Variants in SETD1B observed in about 807,000 individuals in gnomAD.
SETD1B encodes the protein SET domain containing 1B, histone lysine methyltransferase, also known as histone-lysine N-methyltransferase SETD1B.
A neutral mutation model predicts 148.0 loss-of-function variants in SETD1B; 7 were observed. That is an observed-to-expected ratio of 0.05 (90% CI 0.03 to 0.09). The LOEUF (loss-of-function observed/expected upper bound fraction) is 0.09, where lower values mean the gene tolerates loss of function less well. SETD1B is among the 10% of genes least tolerant of loss of function. SETD1B has a pLI of 1.00. For synonymous variants in SETD1B, 1,361 were observed against 1,186.5 expected, an observed-to-expected ratio of 1.15 and a Z score of -3.02; for missense variants, 2,155 against 2,729.9, an observed-to-expected ratio of 0.79 and a Z score of 4.69.
chr12:121,810,563 C>T lies in SETD1B; in HGVS notation c.1618C>T (p.Leu540Phe). 1 of 1,547,764 alleles carries T rather than the reference C, an allele frequency of 6.5e-7. No homozygotes were observed. Residue 540 changes from leucine to phenylalanine, a missense_variant, in exon 6 of 17, where the codon CTC becomes TTC. This residue lies in a region of SETD1B where 295 missense variants were observed against 303.8 expected (regional missense o/e 0.97). Coordinates refer to ENST00000604567, the MANE Select transcript of SETD1B (RefSeq NM_001353345.2). This position sits in a 1 kb window ranked among gnomAD's most constrained non-coding sequence, Gnocchi z 7.6. ...GSPISSSSSQ[L>F]SPLAPFGTNS... is the part of the protein sequence containing the mutation. The stretch of plus-strand genomic sequence containing the variant: ...CCCCATCTCCTCCTCCTCCTCCCAG[C>T]TCTCCCCACTGGCCCCCTTTGGCAC...
Position 121,823,583 on chromosome 12 carries a change from C to G in SETD1B, c.5004C>G (p.Leu1668=). 1 of 1,551,516 alleles carries G rather than the reference C, an allele frequency of 6.4e-7. No homozygotes were observed. Among genetic ancestry groups the G allele is most frequent in the Non-Finnish European group, 8.7e-7 (1 of 1,146,974 alleles). ...CCGAACTCTCGCCACCCCAGCCCCT[C>G]TTCCGGCCCCGCTCGGAGTTTGAGG... The part of the protein sequence containing the change: ...GSPELSPPQP[L]FRPRSEFEEM... The change falls in exon 12 of 17, where the codon CTC becomes CTG. Residue 1668 remains leucine (L), a synonymous_variant. Coordinates refer to ENST00000604567, the MANE Select transcript of SETD1B (RefSeq NM_001353345.2).
chr12:121,804,760 A>C lies in SETD1B; in HGVS notation c.23A>C (p.His8Pro), dbSNP rs773794483. 4.0e-3 allele frequency: 5,547 copies of C among 1,371,206 alleles called. 13 individuals are homozygous for C. Among genetic ancestry groups the C allele is most frequent in the Middle Eastern group, 9.5e-3 (47 of 4,964 alleles). The allele number at this position is 1,371,206 out of a possible 1,614,324, so 84.9% of individuals were successfully genotyped here. The part of the protein sequence containing the change: MENSHPP[H>P]HHHQQPPPQP... ...GGCATGGAGAACAGTCACCCCCCCC[A>C]CCACCACCACCAGCAGCCCCCGCCG... Residue 8 changes from histidine (H) to proline (P), a missense_variant, in exon 2 of 17, where the codon CAC becomes CCC. Around this residue, in one of 11 missense-constraint regions of SETD1B, gnomAD observed 36 missense variants for 23.5 expected, o/e 1.53. Transcript: ENST00000604567. This position sits in a 1 kb window ranked among gnomAD's most constrained non-coding sequence, Gnocchi z 4.6.
rs143803758 is a variant in SETD1B, at chr12:121,823,689, C to T, written c.5110C>T (p.Leu1704=). 2.3e-5 allele frequency: 35 copies of T among 1,551,592 alleles called. No individual in the cohort carries two copies. In the African/African-American group the frequency reaches 4.4e-4, roughly 19 times the overall value. The change falls in exon 12 of 17, where the codon CTG becomes TTG. Residue 1704 remains leucine (L), a synonymous_variant. Transcript: ENST00000604567. Reference sequence around the variant, plus strand: ...CTTCCTGTGTGTCACCTACGAGCGACTGCTACAGCAGGACAATGGCATGGA... The same window carrying T: ...CTTCCTGTGTGTCACCTACGAGCGATTGCTACAGCAGGACAATGGCATGGA... ...IRFLCVTYER[L]LQQDNGMDWL... is the part of the protein sequence containing the mutation.
In SETD1B at chr12:121,804,996, C is replaced by A; in HGVS notation, c.174+85C>A. 1 of 1,455,310 alleles carries A rather than the reference C, an allele frequency of 6.9e-7. No homozygotes were observed. Among genetic ancestry groups the A allele is most frequent in the Non-Finnish European group, 9.2e-7 (1 of 1,083,998 alleles). The allele number at this position is 1,455,310 out of a possible 1,614,324, so 90.1% of individuals were successfully genotyped here. On this transcript the variant is annotated intron_variant, in intron 2 of 16. Transcript: ENST00000604567. The surrounding 1 kb of genome is among the most constrained non-coding windows in gnomAD (Gnocchi z 4.6). ...AGCGGCCAGGGACCCCCCGCCCGAT[C>A]CCCCGGCCAACTGTCAGACGGGGCC...
intron 16 of SETD1B, 44 bp downstream of exon 16, chr12:121,828,114 C>T (rs560504310): frequency 1.3e-6 from 2 of 1,544,200 alleles, no homozygotes; most frequent in African/African-American, 1.4e-5. Flanking sequence ...GCTCCTGCCC[C>T]TGGCCCTGCT....
chr12:121,813,972 C>T, intron 6 of SETD1B, 134 bp from the exon 7 acceptor site: 1 of 672,002 alleles, frequency 1.5e-6, no homozygotes, highest in Non-Finnish European at 2.5e-6. Context: ...GACGCTGAGG[C>T]TTGGAGAGGC....
intron 12 of SETD1B, 29 bp from the exon 13 acceptor site, chr12:121,825,171 T>C: frequency 1.3e-6 from 2 of 1,548,982 alleles, no homozygotes; most frequent in South Asian, 1.2e-5. Context: ...GCTCTCAGAA[T>C]GTCCATGTGG....
Position 121,832,068 on chromosome 12 carries a change from A to AT in SETD1B, c.*1834dup, listed in dbSNP as rs1480210923. ...AATTGTGCAACTGAGGAAATAATTT[A>AT]TTTTTCACATGAGGAAATGCGTAGC... On this transcript the variant is annotated 3_prime_UTR_variant, in exon 17 of 17. Transcript: ENST00000604567. 1.3e-5 allele frequency: 2 copies of AT among 151,868 alleles called. No homozygotes were observed. Among genetic ancestry groups the AT allele is most frequent in the African/African-American group, 4.8e-5 (2 of 41,340 alleles). The allele number at this position is 151,868 out of a possible 1,614,324, so 9.4% of individuals were successfully genotyped here. A position where few individuals can be genotyped will look rare whatever the true frequency, so the allele number is the denominator to read the frequency against.
At chr12:121,802,736 G>C (rs1442752416), upstream of SETD1B, 1 of 152,174 alleles carries the variant, frequency 6.6e-6, no homozygotes, top group African/African-American at 2.4e-5. Context: ...GAAAAATCCA[G>C]ATCTTTTTAA....
In SETD1B at chr12:121,829,041, G is replaced by A. The variant is rs932295576; in HGVS notation, c.5727+971G>A. Among the ~76,000 whole-genome samples the A allele has an allele frequency of 3.1e-4, 47 of 152,060 alleles. 1 individual carries two copies. Among genetic ancestry groups the A allele is most frequent in the Admixed American group, 2.5e-3 (38 of 15,272 alleles). Reference sequence around the variant, plus strand: ...CGTGTTCAAAGGCCCTGGGGCAGTTGGGAGAACACCTGTTTGAGAGATAGC... The same window carrying A: ...CGTGTTCAAAGGCCCTGGGGCAGTTAGGAGAACACCTGTTTGAGAGATAGC... On this transcript the variant is annotated intron_variant, in intron 16 of 16. Coordinates refer to ENST00000604567, the MANE Select transcript of SETD1B (RefSeq NM_001353345.2).
intron 13 of SETD1B, 140 bp downstream of exon 13, chr12:121,825,506 GAGAGGCGGGT>G: frequency 2.8e-5 from 12 of 428,720 alleles, no homozygotes; most frequent in East Asian, 5.4e-5. Flanking sequence ...AGTGGAAGGG[GAGAGGCGGGT>G]GGGCGGGGCC....
In SETD1B at chr12:121,823,479, G is replaced by C; in HGVS notation, c.4900G>C (p.Glu1634Gln). 3.2e-6 allele frequency: 5 copies of C among 1,550,462 alleles called. No homozygotes were observed. Among genetic ancestry groups the C allele is most frequent in the Non-Finnish European group, 4.4e-6 (5 of 1,146,884 alleles). The change falls in exon 12 of 17, where the codon GAG becomes CAG. Residue 1634 changes from glutamate to glutamine, a missense_variant. Coordinates refer to ENST00000604567, the MANE Select transcript of SETD1B (RefSeq NM_001353345.2). The stretch of plus-strand genomic sequence containing the variant: ...CGATGAGGTCACTGAGGAATACATG[G>C]AGTTGGCCAAGAGCCGGGGGCCGTG... Reference protein sequence around the residue: ...GRDEVTEEYMELAKSRGPWRR... With the variant: ...GRDEVTEEYMQLAKSRGPWRR...
chr12:121,793,344 C>A, the SETD1B span: 3 of 1,433,158 alleles, frequency 2.1e-6, no homozygotes, highest in Non-Finnish European at 2.9e-6. Context: ...TCAGCCCCCC[C>A]TCACCCCGCT....
chr12:121,804,759 C>G lies in SETD1B; in HGVS notation c.22C>G (p.His8Asp), dbSNP rs770426488. 14 of 1,546,762 alleles carry G rather than the reference C, an allele frequency of 9.1e-6. No homozygotes were observed. In the South Asian group the frequency reaches 1.1e-4, roughly 12 times the overall value. MENSHPP[H>D]HHHQQPPPQP... ...CGGCATGGAGAACAGTCACCCCCCC[C>G]ACCACCACCACCAGCAGCCCCCGCC... The change falls in exon 2 of 17, where the codon CAC (histidine) becomes GAC (aspartate). Residue 8 changes from histidine to aspartate, a missense_variant. His to Asp is a moderately conservative substitution (Grantham distance 81). This residue lies in a region of SETD1B where 36 missense variants were observed against 23.5 expected (regional missense o/e 1.53). Coordinates refer to ENST00000604567, the MANE Select transcript of SETD1B (RefSeq NM_001353345.2). The surrounding 1 kb of genome is among the most constrained non-coding windows in gnomAD (Gnocchi z 4.6).
chr12:121,796,976 G>T, the SETD1B span, among the ~76,000 whole-genome samples: 1 of 151,876 alleles, frequency 6.6e-6, no homozygotes, highest in South Asian at 2.1e-4. Context: ...GGCGGAGGTT[G>T]CGGTGAGCCC....
At position 121,814,939 on chromosome 12, in the gene SETD1B, G is replaced by C. The variant is rs61954272; in HGVS notation, c.2715+9G>C. ...AGGAGCGGATGGCCAAGGTGGGTGG[G>C]TGGGTGCAGGGCTCTGCAGGGTGGC... On this transcript the variant is annotated intron_variant, in intron 7 of 16. Coordinates refer to ENST00000604567, the MANE Select transcript of SETD1B (RefSeq NM_001353345.2). The C allele has an allele frequency of 6.5e-7, 1 of 1,538,684 alleles. No individual in the cohort carries two copies. Among genetic ancestry groups the C allele is most frequent in the African/African-American group, 1.4e-5 (1 of 72,880 alleles).
At chr12:121,829,896 AG>A (rs1010133488) in intron 16 of SETD1B, among the ~76,000 whole-genome samples, 169 bp from the exon 17 acceptor site, 1 of 151,844 alleles carries the variant, frequency 6.6e-6, no homozygotes, top group African/African-American at 2.4e-5. Flanking sequence ...ATCAGAGGCA[AG>A]GGGTCACCCC....
intron 13 of SETD1B, 129 bp from the exon 14 acceptor site, chr12:121,827,390 G>A: frequency 3.4e-6 from 4 of 1,167,250 alleles, no homozygotes; most frequent in Non-Finnish European, 4.6e-6. Context: ...GACAATTAGG[G>A]ACCGACAGGT....
rs1240412181 is a variant in SETD1B, at chr12:121,822,647, C to G, written c.4068C>G (p.Ala1356=). The G allele has an allele frequency of 4.5e-6, 7 of 1,551,010 alleles. No homozygotes were observed. The highest frequency in any genetic ancestry group is 1.4e-5 in the African/African-American group (1 of 72,980). ...CATCTGTCCCTCCGGAGCCCCTTGC[C>G]GAGGACCACCCCCCGCATACTCCAG... ...SHPSVPPEPL[A]EDHPPHTPGL... The change falls in exon 12 of 17, where the codon GCC becomes GCG. Residue 1356 remains alanine, a synonymous_variant. Coordinates refer to ENST00000604567, the MANE Select transcript of SETD1B (RefSeq NM_001353345.2).
Sources: allele counts gnomAD v4.1 joint callset (sites outside exome capture counted in the v4.1 genomes callset), GRCh38; gene constraint gnomAD v4.1.1; regional missense constraint gnomAD v4.1.1; non-coding constraint Gnocchi (gnomAD v3.1); transcripts MANE v1.5; gene names NCBI Gene and HGNC (gene_info 2026-07-23, HGNC 2026-07-21).